ZNF280D: variants seen among roughly 807,000 people sequenced by gnomAD.
The protein encoded by ZNF280D is zinc finger protein 280D.
ZNF280D carries 39 observed loss-of-function variants against 94.7 expected under a neutral mutation model. That is an observed-to-expected ratio of 0.41 (90% confidence interval 0.32 to 0.54). The LOEUF is 0.54. Ranked by LOEUF, ZNF280D falls within the 20% of genes least tolerant of loss-of-function variation. The probability of loss-of-function intolerance (pLI) is 0.22; values close to 1 mark genes in which losing one functional copy is unlikely to be tolerated. For missense variants in ZNF280D, 1,090 were observed against 1,149.3 expected (o/e 0.95, Z 0.75); for synonymous variants, 398 against 377.6 (o/e 1.05, Z -0.63).
At chr15:56,676,342 CA>C (rs1465089866) in intron 13 of ZNF280D, among the ~76,000 whole-genome samples, 1 of 152,092 alleles carries the variant, frequency 6.6e-6, no homozygotes, top group African/African-American at 2.4e-5. Flanking sequence ...TAACTCCCTT[CA>C]AAATCATTCT....
At chr15:56,714,444 T>G (rs939815634) in intron 1 of ZNF280D, among the ~76,000 whole-genome samples, 1 of 152,152 alleles carries the variant, frequency 6.6e-6, no homozygotes, top group South Asian at 2.1e-4. Flanking sequence ...ATTTTTAAAA[T>G]AAACCAAAAA....
In ZNF280D at chr15:56,666,762, T is replaced by A; in HGVS notation, c.1770A>T (p.Lys590Asn). Residue 590 changes from lysine (K) to asparagine (N), a missense_variant, in exon 15 of 22, where the codon AAA becomes AAT. By Grantham distance (94) the Lys-to-Asn change is moderately conservative (BLOSUM62 0). Coordinates refer to ENST00000267807, the MANE Select transcript of ZNF280D (RefSeq NM_017661.4). ...TTTGTTTCTTTTGCATATTAGAGAT[T>A]TTTGGTTTGTATTTAGATTTACTTC... ...PNGSKSKYKPKISNMQKKQST... is the reference protein window; with the variant it reads ...PNGSKSKYKPNISNMQKKQST... The A allele has an allele frequency of 6.2e-7, 1 of 1,613,764 alleles. No individual in the cohort carries two copies. The highest frequency in any genetic ancestry group is 8.5e-7 in the Non-Finnish European group (1 of 1,179,846).
intron 11 of ZNF280D, 134 bp downstream of exon 11, chr15:56,678,530 G>C: frequency 5.9e-6 from 4 of 675,086 alleles, no homozygotes; most frequent in Non-Finnish European, 9.1e-6. Context: ...TTAAAACTTG[G>C]CCTTTCAATT....
intron 13 of ZNF280D, among the ~76,000 whole-genome samples, chr15:56,674,650 T>C (rs781183595): frequency 2.6e-5 from 4 of 152,152 alleles, no homozygotes; most frequent in Admixed American, 6.6e-5. Context: ...ACTGAAATAA[T>C]AATATACATC....
intron 16 of ZNF280D, among the ~76,000 whole-genome samples, chr15:56,662,789 A>C (rs918908573): frequency 1.3e-5 from 2 of 148,264 alleles, no homozygotes; most frequent in South Asian, 4.3e-4. Context: ...TTGCCACTGC[A>C]CTCTAGCCTG....
chr15:56,678,836 C>T lies in ZNF280D; in HGVS notation c.1005-15G>A, dbSNP rs748104771. 1.5e-5 allele frequency: 23 copies of T among 1,507,610 alleles called. No individual in the cohort carries two copies. In the African/African-American group the frequency reaches 1.8e-4, roughly 12 times the overall value. 93.4% of individuals were successfully genotyped at this position (1,507,610 alleles called of 1,614,324 possible). On this transcript the variant is annotated splice_polypyrimidine_tract_variant and intron_variant, in intron 10 of 21. Transcript: ENST00000267807. ...GGTTCATAAACCTATAAATGGTTGT[C>T]AACAGGTGCAAAACTTGAGATTTAA...
In ZNF280D at chr15:56,631,881, T is replaced by C. The variant is rs765790527; in HGVS notation, c.2557A>G (p.Met853Val). The C allele has an allele frequency of 1.2e-6, 2 of 1,613,782 alleles. No individual in the cohort carries two copies. Among genetic ancestry groups the C allele is most frequent in the Admixed American group, 1.7e-5 (1 of 60,030 alleles). ...ATTATGTTTTCTGAACTTTGGCACA[T>C]CTTCAACTCCATTTCCTGACAAACG... is the stretch of plus-strand genomic sequence containing the variant. The part of the protein sequence containing the change: ...QHVCQEMELK[M>V]CQSSENIILS... The change falls in exon 22 of 22, where the codon ATG (methionine) becomes GTG (valine). Residue 853 changes from methionine to valine, a missense_variant. Around this residue, in one of 3 missense-constraint regions of ZNF280D, gnomAD observed 577 missense variants for 568.8 expected, o/e 1.01. Transcript: ENST00000267807.
In ZNF280D at chr15:56,684,126, G is replaced by A. The variant is rs561995884; in HGVS notation, c.781-1649C>T. Among the ~76,000 whole-genome samples the A allele has an allele frequency of 7.6e-4, 116 of 152,256 alleles. 2 individuals carry two copies. Among genetic ancestry groups the A allele is most frequent in the Admixed American group, 4.3e-3 (65 of 15,280 alleles). On this transcript the variant is annotated intron_variant, in intron 9 of 21. Coordinates refer to ENST00000267807, the MANE Select transcript of ZNF280D (RefSeq NM_017661.4). ...AAAGGCGGTGCTACATAAAGAATCA[G>A]ACACACAAGTCACAATTGCAGGAAG...
At chr15:56,661,124 C>T (rs1258203142) in intron 16 of ZNF280D, among the ~76,000 whole-genome samples, 1 of 152,006 alleles carries the variant, frequency 6.6e-6, no homozygotes, top group South Asian at 2.1e-4. Context: ...AGGAAAGCTG[C>T]AAGACAGATG....
chr15:56,631,569 T>A lies in ZNF280D; in HGVS notation c.2869A>T (p.Ile957Phe). The A allele has an allele frequency of 6.2e-7, 1 of 1,614,110 alleles. No homozygotes were observed. The highest frequency in any genetic ancestry group is 8.5e-7 in the Non-Finnish European group (1 of 1,179,990). The stretch of plus-strand genomic sequence containing the variant: ...GTGCTAGGGTTATTTCCTCCAGGAA[T>A]GTCATCTGTTTGATCAGACACTACT... ...DEVVSDQTDD[I>F]PGGNNPSTTE... The change falls in exon 22 of 22, where the codon ATT becomes TTT. Residue 957 changes from isoleucine (I) to phenylalanine (F), a missense_variant. Physicochemically the swap from Ile to Phe is conservative, Grantham distance 21 (BLOSUM62 0). Transcript: ENST00000267807.
intron 6 of ZNF280D, 23 bp downstream of exon 6, chr15:56,700,910 C>T (rs772321420): frequency 7.4e-6 from 12 of 1,613,550 alleles, no homozygotes; most frequent in South Asian, 3.3e-5. Context: ...CTGAGCTGGC[C>T]GTATAGTTTT....
At chr15:56,659,946 A>G (rs769782647) in intron 16 of ZNF280D, among the ~76,000 whole-genome samples, 1 of 151,996 alleles carries the variant, frequency 6.6e-6, no homozygotes, top group African/African-American at 2.4e-5. Context: ...CTACCCAACT[A>G]TCTGCAGCTT....
intron 1 of ZNF280D, among the ~76,000 whole-genome samples, chr15:56,724,226 C>A (rs1167729981): frequency 6.6e-6 from 1 of 152,200 alleles, no homozygotes; most frequent in Admixed American, 6.5e-5. Flanking sequence ...GGTCTCTCAG[C>A]ATCCAGATTT....
chr15:56,688,942 C>T (rs878904615), intron 9 of ZNF280D, 99 bp downstream of exon 9: 2 of 625,112 alleles, frequency 3.2e-6, no homozygotes, highest in Admixed American at 3.6e-5. Flanking sequence ...ATGGAAATAC[C>T]AATGAGATTA....
At chr15:56,670,087 C>T (rs1489862877) in intron 13 of ZNF280D, among the ~76,000 whole-genome samples, 2 of 104,202 alleles carry the variant, frequency 1.9e-5, no homozygotes, top group Non-Finnish European at 3.8e-5. Flanking sequence ...TATATATACA[C>T]ATGCACACAC....
At chr15:56,660,678 T>C (rs2053878141) in intron 16 of ZNF280D, among the ~76,000 whole-genome samples, 1 of 152,136 alleles carries the variant, frequency 6.6e-6, no homozygotes, top group Non-Finnish European at 1.5e-5. Context: ...AAACCTAATT[T>C]TTTAAAAAAA....
At chr15:56,668,683 T>C in intron 14 of ZNF280D, 140 bp downstream of exon 14, 1 of 757,964 alleles carries the variant, frequency 1.3e-6, no homozygotes, top group Non-Finnish European at 2.0e-6. Context: ...TTTTTCCTTC[T>C]ACACATAAAA....
chr15:56,721,471 A>C (rs2058355964), intron 1 of ZNF280D, among the ~76,000 whole-genome samples: 1 of 152,232 alleles, frequency 6.6e-6, no homozygotes. Flanking sequence ...AAGTCTATTT[A>C]ATCTATATAG....
intron 8 of ZNF280D, 57 bp downstream of exon 8, chr15:56,689,243 C>T: frequency 1.3e-6 from 2 of 1,555,472 alleles, no homozygotes; most frequent in East Asian, 4.6e-5. Flanking sequence ...ATAGCCACTT[C>T]AAAAATGTAT....
Sources: gnomAD v4.1 joint callset for allele counts (sites outside exome capture counted in the v4.1 genomes callset) on GRCh38, gnomAD v4.1.1 for gene constraint, gnomAD v4.1.1 regional missense constraint, MANE v1.5 for transcripts, NCBI Gene and HGNC (gene_info 2026-07-23, HGNC 2026-07-21) for gene names.